Variants in TF observed in about 807,000 individuals in gnomAD.
TF encodes serotransferrin.
A neutral mutation model predicts 82.4 loss-of-function variants in TF; 55 were observed. The ratio of observed to expected loss-of-function variants is 0.67; its 90% CI spans 0.54 to 0.84. The LOEUF is 0.84. TF is among the 40% of genes least tolerant of loss of function. The pLI is 0.00. For synonymous variants in TF, 332 were observed against 332.6 expected, an observed-to-expected ratio of 1.00 and a Z score of 0.02; for missense variants, 737 against 868.4, an observed-to-expected ratio of 0.85 and a Z score of 1.90.
the TF span, among the ~76,000 whole-genome samples, chr3:133,737,168 A>G: frequency 6.6e-6 from 1 of 152,238 alleles, no homozygotes; most frequent in Non-Finnish European, 1.5e-5. Context: ...AACTCACTCA[A>G]AACTGCACAA....
At chr3:133,774,970 C>A (rs1285228372) in intron 14 of TF, 1 of 354,128 alleles carries the variant, frequency 2.8e-6, no homozygotes, top group African/African-American at 2.1e-5. Context: ...AGAACTGGAA[C>A]AAGGGAGTCA....
the TF span, among the ~76,000 whole-genome samples, chr3:133,674,001 C>G: frequency 2.0e-5 from 3 of 152,078 alleles, no homozygotes; most frequent in Non-Finnish European, 4.4e-5. Flanking sequence ...GGGACAGTGT[C>G]ATTTGGGTAG....
chr3:133,739,261 T>C, the TF span, among the ~76,000 whole-genome samples: 1 of 152,164 alleles, frequency 6.6e-6, no homozygotes, highest in Admixed American at 6.5e-5. Flanking sequence ...AGGCTAGCCA[T>C]ATGTAGAAAA....
the TF span, chr3:133,664,970 T>C: frequency 6.6e-6 from 1 of 152,132 alleles, no homozygotes; most frequent in African/African-American, 2.4e-5. Context: ...AATGGAATGA[T>C]ACAGAGATAA....
chr3:133,682,746 A>C, the TF span, among the ~76,000 whole-genome samples: 1 of 92,784 alleles, frequency 1.1e-5, no homozygotes, highest in East Asian at 2.7e-4. Flanking sequence ...GTGTACCTGA[A>C]AGTGACGGGG....
the TF span, among the ~76,000 whole-genome samples, chr3:133,682,763 AC>A: frequency 1.3e-5 from 2 of 151,342 alleles, no homozygotes. Flanking sequence ...GGGGAGTGGA[AC>A]CAAGTTGGAA....
the TF span, among the ~76,000 whole-genome samples, chr3:133,710,537 C>T: frequency 1.3e-5 from 2 of 152,186 alleles, no homozygotes; most frequent in Non-Finnish European, 2.9e-5. Context: ...ACCATTTCAC[C>T]TGCACCTGCA....
the TF span, among the ~76,000 whole-genome samples, chr3:133,687,689 CT>C: frequency 6.6e-6 from 1 of 152,172 alleles, no homozygotes; most frequent in Admixed American, 6.5e-5. Flanking sequence ...CATGGGTAGC[CT>C]TTTGTGTCTG....
chr3:133,796,603 T>C lies in TF; in HGVS notation c.*17983T>C, dbSNP rs769461935. 2.6e-5 allele frequency: 4 copies of C among 152,192 alleles called. No homozygotes were observed. The highest frequency in any genetic ancestry group is 4.4e-5 in the Non-Finnish European group (3 of 68,024). The allele number at this position is 152,192 out of a possible 1,614,324, so 9.4% of individuals were successfully genotyped here. On this transcript the variant is annotated 3_prime_UTR_variant, in exon 17 of 17. Transcript: ENST00000402696. ...AAGCCCTCTGCCACCCTGTGGAGTG[T>C]ACTTTTGTTTTCAATAAACCTCTGC...
intron 14 of TF, among the ~76,000 whole-genome samples, chr3:133,771,862 G>A (rs1421041109): frequency 2.0e-5 from 3 of 151,786 alleles, no homozygotes; most frequent in African/African-American, 7.3e-5. Flanking sequence ...GCCAGACTGA[G>A]CACTCCACAC....
rs1276963443 is a variant in TF, at chr3:133,780,317, AGTCT to A, written c.*1702_*1705del. On this transcript the variant is annotated 3_prime_UTR_variant, in exon 17 of 17. Transcript: ENST00000402696. ...ATACCCCATGGCTCCCCTGGGACGC[AGTCT>A]GTCTCATTGCAATGGATCAATAAAC... is the stretch of plus-strand genomic sequence containing the variant. 3 of 152,194 alleles carry A rather than the reference AGTCT, an allele frequency of 2.0e-5. No individual in the cohort carries two copies. The highest frequency in any genetic ancestry group is 2.9e-5 in the Non-Finnish European group (2 of 68,034). 9.4% of individuals were successfully genotyped at this position (152,194 alleles called of 1,614,324 possible).
chr3:133,758,868 A>G (rs2107918694), intron 8 of TF, among the ~76,000 whole-genome samples: 1 of 152,310 alleles, frequency 6.6e-6, no homozygotes, highest in South Asian at 2.1e-4. Flanking sequence ...ATAAATAAGA[A>G]CACCTCCAGT....
At chr3:133,751,716 G>A (rs1288690401) in intron 2 of TF, among the ~76,000 whole-genome samples, 1 of 152,174 alleles carries the variant, frequency 6.6e-6, no homozygotes, top group African/African-American at 2.4e-5. Context: ...AATTGGCTGG[G>A]TGCGGTGGCT....
At chr3:133,727,169 A>G in the TF span, among the ~76,000 whole-genome samples, 1 of 152,118 alleles carries the variant, frequency 6.6e-6, no homozygotes, top group Non-Finnish European at 1.5e-5. Context: ...TGTCTATTAG[A>G]TCAGCTTGGT....
intron 14 of TF, 189 bp downstream of exon 14, chr3:133,770,761 G>A: frequency 1.5e-6 from 1 of 665,664 alleles, no homozygotes; most frequent in Admixed American, 2.4e-5. Context: ...GGATTATGGG[G>A]CCCCCAATGG....
At chr3:133,731,939 T>C in the TF span, among the ~76,000 whole-genome samples, 2 of 152,284 alleles carry the variant, frequency 1.3e-5, no homozygotes, top group South Asian at 4.1e-4. Context: ...AAGGTGGGCA[T>C]AGGGAACTAG....
intron 15 of TF, 110 bp downstream of exon 15, chr3:133,775,727 C>A: frequency 8.6e-7 from 1 of 1,157,678 alleles, no homozygotes; most frequent in Non-Finnish European, 1.3e-6. Context: ...TTTTTGAAAA[C>A]TAGAATTCCA....
At chr3:133,685,613 G>A in the TF span, among the ~76,000 whole-genome samples, 6 of 152,168 alleles carry the variant, frequency 3.9e-5, no homozygotes, top group Admixed American at 3.9e-4. Flanking sequence ...TTGCTTCAAA[G>A]AGAATAAAAT....
chr3:133,694,109 T>A, the TF span: 2 of 152,732 alleles, frequency 1.3e-5, no homozygotes, highest in Admixed American at 1.3e-4. Context: ...CTGGGAGGTG[T>A]GTGCAGATGC....
Sources: allele counts gnomAD v4.1 joint callset (sites outside exome capture counted in the v4.1 genomes callset), GRCh38; gene constraint gnomAD v4.1.1; transcripts MANE v1.5; gene names NCBI Gene and HGNC (gene_info 2026-07-23, HGNC 2026-07-21).